WDR41: variants seen among roughly 807,000 people sequenced by gnomAD.
WDR41 encodes the protein WD repeat domain 41.
WDR41 carries 63 observed loss-of-function variants against 69.3 expected under a neutral mutation model. The ratio of observed to expected loss-of-function variants is 0.91; its 90% confidence interval spans 0.74 to 1.12. The LOEUF (loss-of-function observed/expected upper bound fraction) is 1.12, where lower values mean the gene tolerates loss of function less well. Among genes scored for constraint, WDR41 ranks in the 50% most tolerant of loss-of-function variants. The pLI is 0.00. For missense variants in WDR41, 543 were observed against 534.5 expected (o/e 1.02, Z -0.16); for synonymous variants, 185 against 192.1 (o/e 0.96, Z 0.31).
At chr5:77,547,971 T>C (rs1036848550) in intron 1 of WDR41, among the ~76,000 whole-genome samples, 1 of 151,598 alleles carries the variant, frequency 6.6e-6, no homozygotes, top group African/African-American at 2.4e-5. Flanking sequence ...AACCCAGAAA[T>C]AAACCCAAAT....
At chr5:77,608,004 A>G (rs566441911) in intron 1 of WDR41, among the ~76,000 whole-genome samples, 2 of 152,182 alleles carry the variant, frequency 1.3e-5, no homozygotes, top group Non-Finnish European at 2.9e-5. Context: ...TTAAGCATAC[A>G]GTTCAATGGC....
At chr5:77,469,587 CGT>C (rs1581731964) in intron 2 of WDR41, among the ~76,000 whole-genome samples, 1 of 152,120 alleles carries the variant, frequency 6.6e-6, no homozygotes, top group South Asian at 2.1e-4. Flanking sequence ...GTCATTTTTG[CGT>C]GTGTGTGATG....
At chr5:77,602,628 C>T (rs1744345853) in intron 1 of WDR41, among the ~76,000 whole-genome samples, 1 of 152,036 alleles carries the variant, frequency 6.6e-6, no homozygotes, top group Non-Finnish European at 1.5e-5. Flanking sequence ...GTACATATAG[C>T]ACATTTTCTT....
chr5:77,495,267 A>G (rs1801919236), upstream of WDR41, among the ~76,000 whole-genome samples: 1 of 152,074 alleles, frequency 6.6e-6, no homozygotes. Flanking sequence ...GAGGAAGGAA[A>G]TAATAAGAAT....
intron 5 of WDR41, among the ~76,000 whole-genome samples, chr5:77,458,583 ATTGT>A (rs563535841): frequency 4.0e-4 from 61 of 152,274 alleles, no homozygotes; most frequent in African/African-American, 1.3e-3. Context: ...CCAATTAATA[ATTGT>A]TTGTAAAAGG....
chr5:77,559,419 T>G (rs1229661097), intron 1 of WDR41, among the ~76,000 whole-genome samples: 6 of 152,178 alleles, frequency 3.9e-5, no homozygotes, highest in Non-Finnish European at 8.8e-5. Flanking sequence ...TAATAATTAC[T>G]GTGTTTAACA....
intron 1 of WDR41, among the ~76,000 whole-genome samples, chr5:77,501,181 G>A (rs777715730): frequency 1.8e-4 from 27 of 152,212 alleles, no homozygotes; most frequent in South Asian, 8.3e-4. Context: ...CAAATACTGC[G>A]CTTTTCCCAA....
At chr5:77,469,613 A>G (rs1010432099) in intron 2 of WDR41, among the ~76,000 whole-genome samples, 8 of 152,212 alleles carry the variant, frequency 5.3e-5, no homozygotes, top group African/African-American at 1.9e-4. Flanking sequence ...ACACCCATCA[A>G]TAATCACTGC....
intron 1 of WDR41, among the ~76,000 whole-genome samples, chr5:77,603,228 G>A (rs1236560396): frequency 5.9e-5 from 9 of 152,116 alleles, no homozygotes; most frequent in Non-Finnish European, 1.0e-4. Flanking sequence ...GAGCCACTGC[G>A]CCCAGCCCTT....
Position 77,440,813 on chromosome 5 carries a change from C to T in WDR41, c.882G>A (p.Glu294=). ...ISIHHFTCDE[E]NVFAAVGRGL... Reference sequence around the variant, plus strand: ...TATAGATAGTGTATACATTTTTTACCTCTTCATCACATGTGAAATGATGAA... The same window carrying T: ...TATAGATAGTGTATACATTTTTTACTTCTTCATCACATGTGAAATGATGAA... Residue 294 remains glutamate, a splice_region_variant and synonymous_variant, in exon 9 of 13, where the codon GAG becomes GAA. Coordinates refer to ENST00000296679, the MANE Select transcript of WDR41 (RefSeq NM_018268.4). 6.2e-7 allele frequency: 1 copy of T among 1,613,488 alleles called. No homozygotes were observed. Among genetic ancestry groups the T allele is most frequent in the Admixed American group, 1.7e-5 (1 of 59,904 alleles).
intron 2 of WDR41, 73 bp downstream of exon 2, chr5:77,489,383 TA>T: frequency 1.2e-6 from 1 of 806,984 alleles, no homozygotes; most frequent in South Asian, 2.3e-5. Context: ...GTATTAATTT[TA>T]AAGGTGTTTA....
At chr5:77,540,032 A>G (rs1270610072) in intron 1 of WDR41, among the ~76,000 whole-genome samples, 1 of 152,218 alleles carries the variant, frequency 6.6e-6, no homozygotes, top group Non-Finnish European at 1.5e-5. Flanking sequence ...GTAAAACATA[A>G]GCAATCTTTA....
chr5:77,615,687 C>CAAAAAAA (rs10695519), intron 1 of WDR41, among the ~76,000 whole-genome samples: 2 of 79,390 alleles, frequency 2.5e-5, no homozygotes, highest in Non-Finnish European at 2.3e-5. Flanking sequence ...TACTGCAAGT[C>CAAAAAAA]AAAAAAAAAA....
intron 7 of WDR41, among the ~76,000 whole-genome samples, chr5:77,450,469 C>T (rs955689415): frequency 2.0e-5 from 3 of 152,146 alleles, no homozygotes; most frequent in Non-Finnish European, 4.4e-5. Context: ...CTGACTTTAA[C>T]AAATACAGTT....
At chr5:77,441,067 T>C (rs1799144078) in intron 8 of WDR41, 70 bp from the exon 9 acceptor site, 1 of 1,522,386 alleles carries the variant, frequency 6.6e-7, no homozygotes, top group African/African-American at 1.4e-5. Context: ...GAATGGAATG[T>C]CTAGTAGTAA....
chr5:77,536,366 A>G (rs2112216523), intron 1 of WDR41, among the ~76,000 whole-genome samples: 1 of 152,144 alleles, frequency 6.6e-6, no homozygotes, highest in Admixed American at 6.5e-5. Flanking sequence ...CTACCTATAA[A>G]TGAAACAAGG....
At chr5:77,482,836 C>A (rs1801336534) in intron 2 of WDR41, among the ~76,000 whole-genome samples, 1 of 150,456 alleles carries the variant, frequency 6.6e-6, no homozygotes, top group African/African-American at 2.5e-5. Flanking sequence ...ACAGAATGAG[C>A]TCTGTCCTCC....
chr5:77,498,301 C>T (rs551963046), intron 1 of WDR41, among the ~76,000 whole-genome samples: 27 of 151,854 alleles, frequency 1.8e-4, no homozygotes, highest in Middle Eastern at 6.9e-3. Flanking sequence ...GAATAGAGTA[C>T]CAAAATAAAG....
intron 1 of WDR41, among the ~76,000 whole-genome samples, chr5:77,570,534 C>T (rs1019383465): frequency 3.4e-5 from 5 of 146,274 alleles, no homozygotes; most frequent in Non-Finnish European, 7.5e-5. Flanking sequence ...ACAGATGTTG[C>T]TAATTTTTAC....
Sources: allele counts gnomAD v4.1 joint callset (sites outside exome capture counted in the v4.1 genomes callset), GRCh38; gene constraint gnomAD v4.1.1; transcripts MANE v1.5; gene names NCBI Gene and HGNC (gene_info 2026-07-23, HGNC 2026-07-21).